Variants in FAM107A observed in about 807,000 individuals in gnomAD.
The protein encoded by FAM107A is family with sequence similarity 107 member A, also known as actin-associated protein FAM107A.
In FAM107A, 19 loss-of-function variants were observed where a neutral mutation model predicts 13.7. The observed-to-expected ratio is 1.38, with a 90% CI of 0.97 to 2.03. The LOEUF is 2.03. Among genes scored for constraint, FAM107A ranks in the 30% most tolerant of loss-of-function variants. The probability of loss-of-function intolerance (pLI) is 0.00; values close to 1 mark genes in which losing one functional copy is unlikely to be tolerated. For synonymous variants in FAM107A, 82 were observed against 74.5 expected, an observed-to-expected ratio of 1.10 and a Z score of -0.52; for missense variants, 203 against 184.4, an observed-to-expected ratio of 1.10 and a Z score of -0.58.
chr3:58,598,434 A>G (rs2065725242), intron 1 of FAM107A, among the ~76,000 whole-genome samples: 1 of 152,138 alleles, frequency 6.6e-6, no homozygotes, highest in African/African-American at 2.4e-5. Flanking sequence ...TCAGCCCCTT[A>G]GGTCTCAGAG....
chr3:58,570,566 C>T (rs1358893208), intron 1 of FAM107A: 2 of 136,488 alleles, frequency 1.5e-5, no homozygotes, highest in East Asian at 2.1e-4. Flanking sequence ...CCTTGAAATG[C>T]CCAAAAGCAA....
chr3:58,619,795 A>G (rs2065936176), intron 1 of FAM107A, among the ~76,000 whole-genome samples: 1 of 152,224 alleles, frequency 6.6e-6, no homozygotes, highest in Admixed American at 6.5e-5. Flanking sequence ...AATGATGAAC[A>G]AGCCATGAGG....
intron 1 of FAM107A, among the ~76,000 whole-genome samples, chr3:58,621,619 A>C (rs150589631): frequency 1.3e-5 from 2 of 152,338 alleles, no homozygotes; most frequent in East Asian, 1.9e-4. Context: ...TTTAGTTCTC[A>C]CACTGATAAT....
intron 1 of FAM107A, among the ~76,000 whole-genome samples, chr3:58,616,535 AC>A (rs2065902576): frequency 8.6e-6 from 1 of 116,206 alleles, no homozygotes; most frequent in Admixed American, 8.3e-5. Flanking sequence ...GAACACACAC[AC>A]ACACACACAC....
At chr3:58,584,740 T>C (rs2065585170) in intron 1 of FAM107A, among the ~76,000 whole-genome samples, 1 of 152,148 alleles carries the variant, frequency 6.6e-6, no homozygotes, top group African/African-American at 2.4e-5. Context: ...ACATAGGGCA[T>C]GCACCCAGTA....
chr3:58,573,155 A>T (rs1287507992), intron 1 of FAM107A, among the ~76,000 whole-genome samples: 1 of 152,150 alleles, frequency 6.6e-6, no homozygotes, highest in African/African-American at 2.4e-5. Context: ...CTGGTGCCTT[A>T]GCTCAGAGCT....
chr3:58,587,692 G>A (rs2065622579), upstream of FAM107A, among the ~76,000 whole-genome samples: 1 of 152,102 alleles, frequency 6.6e-6, no homozygotes, highest in African/African-American at 2.4e-5. Flanking sequence ...CTGGCTTTGT[G>A]GAGTGTCTGT....
chr3:58,577,820 G>A, upstream of FAM107A: 1 of 666,240 alleles, frequency 1.5e-6, no homozygotes, highest in Non-Finnish European at 1.9e-6. The surrounding 1 kb of genome is among the most constrained non-coding windows in gnomAD (Gnocchi z 4.9). Flanking sequence ...GGGGTGTAAA[G>A]GGAGGGGAAA....
At chr3:58,612,925 G>A (rs1261885789) in intron 1 of FAM107A, among the ~76,000 whole-genome samples, 1 of 141,530 alleles carries the variant, frequency 7.1e-6, no homozygotes, top group Non-Finnish European at 1.5e-5. Flanking sequence ...AGCCATGTGG[G>A]TCTCTTCCTT....
chr3:58,580,711 T>C (rs1396564134), upstream of FAM107A, among the ~76,000 whole-genome samples: 2 of 152,046 alleles, frequency 1.3e-5, no homozygotes, highest in Non-Finnish European at 2.9e-5. Context: ...CACCATGGAA[T>C]CTGGATTTTA....
At chr3:58,567,848 CT>C (rs1326417787) in intron 2 of FAM107A, among the ~76,000 whole-genome samples, 1 of 152,132 alleles carries the variant, frequency 6.6e-6, no homozygotes, top group Non-Finnish European at 1.5e-5. Flanking sequence ...AGAATATCTG[CT>C]TTTCATTTGT....
intron 1 of FAM107A, among the ~76,000 whole-genome samples, chr3:58,603,468 T>A (rs1418530512): frequency 6.6e-6 from 1 of 152,134 alleles, no homozygotes; most frequent in Non-Finnish European, 1.5e-5. Context: ...ACAGCTCTCA[T>A]GGGAAACCTT....
chr3:58,610,567 G>A (rs183780683), intron 1 of FAM107A, among the ~76,000 whole-genome samples: 1 of 151,860 alleles, frequency 6.6e-6, no homozygotes. Flanking sequence ...GTTTCTCATG[G>A]GAGAAATGGG....
chr3:58,619,714 G>T (rs1336871946), intron 1 of FAM107A, among the ~76,000 whole-genome samples: 1 of 152,232 alleles, frequency 6.6e-6, no homozygotes, highest in African/African-American at 2.4e-5. Flanking sequence ...CCCCAAGGGT[G>T]AGCCTAAGTG....
intron 1 of FAM107A, among the ~76,000 whole-genome samples, chr3:58,622,972 A>T (rs1022585450): frequency 1.8e-4 from 27 of 152,078 alleles, no homozygotes; most frequent in African/African-American, 6.0e-4. Flanking sequence ...GGGCAGAGTC[A>T]GGGTGATGGG....
At chr3:58,620,341 A>G (rs2065942147) in intron 1 of FAM107A, among the ~76,000 whole-genome samples, 2 of 152,194 alleles carry the variant, frequency 1.3e-5, no homozygotes, top group Non-Finnish European at 2.9e-5. Context: ...CACCCCTGGT[A>G]ATCCTACAGG....
upstream of FAM107A, among the ~76,000 whole-genome samples, chr3:58,588,823 C>A (rs908637658): frequency 6.6e-6 from 1 of 152,074 alleles, no homozygotes; most frequent in Non-Finnish European, 1.5e-5. Flanking sequence ...CCGCAACTGG[C>A]TAATTTTGTA....
intron 1 of FAM107A, among the ~76,000 whole-genome samples, chr3:58,605,622 G>T (rs2065787421): frequency 6.6e-6 from 1 of 152,160 alleles, no homozygotes; most frequent in Non-Finnish European, 1.5e-5. Context: ...TGAGAACATT[G>T]TCTCTTATTT....
upstream of FAM107A, among the ~76,000 whole-genome samples, chr3:58,587,995 A>T (rs1467122308): frequency 6.6e-6 from 1 of 152,098 alleles, no homozygotes. Context: ...GGATACATGA[A>T]CGCAGGTGGT....
Sources: allele counts gnomAD v4.1 joint callset (sites outside exome capture counted in the v4.1 genomes callset), GRCh38; gene constraint gnomAD v4.1.1; non-coding constraint Gnocchi (gnomAD v3.1); transcripts MANE v1.5; gene names NCBI Gene and HGNC (gene_info 2026-07-23, HGNC 2026-07-21).